Variants in ACTL8 observed in about 807,000 individuals in gnomAD.
The protein encoded by ACTL8 is actin-like protein 8.
ACTL8 carries 3 observed loss-of-function variants against 9.3 expected under a neutral mutation model. That is an observed-to-expected ratio of 0.32 (90% CI 0.15 to 0.83). The LOEUF is 0.83. ACTL8 is among the 40% of genes least tolerant of loss of function. The pLI, the probability that ACTL8 is intolerant of heterozygous loss-of-function variation, is 0.57. For missense variants in ACTL8, 381 were observed against 492.2 expected, an observed-to-expected ratio of 0.77 and a Z score of 2.14; for synonymous variants, 224 against 205.9, an observed-to-expected ratio of 1.09 and a Z score of -0.75.
At chr1:17,806,714 GT>G (rs1434788383) in intron 1 of ACTL8, among the ~76,000 whole-genome samples, 1 of 152,234 alleles carries the variant, frequency 6.6e-6, no homozygotes, top group East Asian at 1.9e-4. Flanking sequence ...GCAAGGGAGG[GT>G]TTTGGGATGG....
At chr1:17,757,708 G>T (rs893860220) in intron 1 of ACTL8, among the ~76,000 whole-genome samples, 1 of 152,184 alleles carries the variant, frequency 6.6e-6, no homozygotes. Context: ...AACAGAAAAA[G>T]AACGACAAGA....
intron 1 of ACTL8, among the ~76,000 whole-genome samples, chr1:17,781,680 A>G (rs1031300605): frequency 6.6e-6 from 1 of 152,156 alleles, no homozygotes; most frequent in Non-Finnish European, 1.5e-5. Context: ...TGGGGTAGAC[A>G]TGAATTTTGG....
intron 1 of ACTL8, among the ~76,000 whole-genome samples, chr1:17,805,946 G>A (rs1229012188): frequency 1.3e-5 from 2 of 152,274 alleles, no homozygotes; most frequent in East Asian, 1.9e-4. Flanking sequence ...GAGGCCGTAG[G>A]GACAAGATGT....
At chr1:17,762,028 G>A (rs1413986399) in intron 1 of ACTL8, among the ~76,000 whole-genome samples, 1 of 152,064 alleles carries the variant, frequency 6.6e-6, no homozygotes, top group Non-Finnish European at 1.5e-5. Context: ...TTGGAGGAAT[G>A]TGGCTTTAAA....
At chr1:17,807,410 A>G (rs1484304125) in intron 1 of ACTL8, among the ~76,000 whole-genome samples, 1 of 152,158 alleles carries the variant, frequency 6.6e-6, no homozygotes, top group African/African-American at 2.4e-5. Context: ...GACATGAGTA[A>G]GTTTCCCAAC....
At position 17,826,820 on chromosome 1, in the gene ACTL8, T is replaced by A. The variant is rs1331374560; in HGVS notation, c.*301T>A. ...CATCTCCATGCCTGAGAGCCACTGA[T>A]TTTTCATTGGCATTTCCCCTGGTTT... is the stretch of plus-strand genomic sequence containing the variant. On this transcript the variant is annotated 3_prime_UTR_variant, in exon 3 of 3. Transcript: ENST00000375406. The surrounding 1 kb of genome is among the most constrained non-coding windows in gnomAD (Gnocchi z 4.5). 3 of 239,778 alleles carry A rather than the reference T, an allele frequency of 1.3e-5. No individual in the cohort carries two copies. The Admixed American group carries it at 1.6e-4, about 13-fold the overall frequency. The allele number at this position is 239,778 out of a possible 1,614,324, so 14.9% of individuals were successfully genotyped here. A position where few individuals can be genotyped will look rare whatever the true frequency, so the allele number is the denominator to read the frequency against.
chr1:17,816,007 A>T (rs1229477820), intron 1 of ACTL8, among the ~76,000 whole-genome samples: 1 of 152,180 alleles, frequency 6.6e-6, no homozygotes, highest in African/African-American at 2.4e-5. Flanking sequence ...TGTATGGGAT[A>T]CAACATGTTA....
chr1:17,817,220 A>G (rs1429682364), intron 1 of ACTL8, among the ~76,000 whole-genome samples: 3 of 151,422 alleles, frequency 2.0e-5, no homozygotes, highest in Admixed American at 2.0e-4. Flanking sequence ...TGGGATCAGA[A>G]ACTGTGCGTG....
At chr1:17,803,561 C>T (rs532644171) in intron 1 of ACTL8, among the ~76,000 whole-genome samples, 5 of 152,306 alleles carry the variant, frequency 3.3e-5, no homozygotes, top group South Asian at 2.1e-4. Context: ...AAACTCCTGA[C>T]CTCAGGTGAT....
chr1:17,781,165 C>T (rs879882380), intron 1 of ACTL8, among the ~76,000 whole-genome samples: 1 of 151,830 alleles, frequency 6.6e-6, no homozygotes, highest in Non-Finnish European at 1.5e-5. Context: ...CGGCTCTGTC[C>T]TTACATGGCC....
At chr1:17,817,176 G>T in intron 1 of ACTL8, among the ~76,000 whole-genome samples, 1 of 148,844 alleles carries the variant, frequency 6.7e-6, no homozygotes. Flanking sequence ...CTGTGGTAAT[G>T]TACCTTAATG....
rs12408385 is a variant in ACTL8 at position 17,823,098 on chromosome 1, G to A, written c.90G>A (p.Pro30=). Residue 30 remains proline (P), a synonymous_variant, in exon 2 of 3, where the codon CCG becomes CCA. Coordinates refer to ENST00000375406, the MANE Select transcript of ACTL8 (RefSeq NM_030812.3). This position sits in a 1 kb window ranked among gnomAD's most constrained non-coding sequence, Gnocchi z 5.3. ...AGWNEPQMVF[P]NIVNYLPCKE... ...GGAATGAGCCTCAGATGGTCTTCCC[G>A]AACATCGTGAACTACCTACCGTGCA... The A allele has an allele frequency of 2.0e-3, 3,237 of 1,614,192 alleles. 23 individuals carry two copies. In the East Asian group the frequency reaches 0.02, roughly 10 times the overall value.
chr1:17,820,859 A>G (rs11809435), intron 1 of ACTL8, among the ~76,000 whole-genome samples: 3,463 of 152,218 alleles, frequency 0.023, 130 homozygotes, highest in African/African-American at 0.076. Flanking sequence ...ACTTTTTAAG[A>G]AACTGCCACA....
chr1:17,764,291 A>G (rs960938847), intron 1 of ACTL8, among the ~76,000 whole-genome samples: 2 of 152,152 alleles, frequency 1.3e-5, no homozygotes, highest in African/African-American at 4.8e-5. Context: ...TCCTGCCTCA[A>G]ATGTCAACAG....
chr1:17,792,170 C>G (rs1439714589), intron 1 of ACTL8, among the ~76,000 whole-genome samples: 3 of 152,226 alleles, frequency 2.0e-5, no homozygotes, highest in Non-Finnish European at 4.4e-5. Flanking sequence ...AAAGGGTGGA[C>G]CAGGCGCTTA....
chr1:17,768,121 T>C lies in ACTL8; in HGVS notation c.-25+12617T>C, dbSNP rs977155905. Among the ~76,000 whole-genome samples the C allele has an allele frequency of 5.7e-5, 7 of 122,392 alleles. No individual in the cohort carries two copies. In the South Asian group the frequency reaches 1.9e-3, roughly 34 times the overall value. 80.3% of individuals were successfully genotyped at this position (122,392 alleles called of 152,430 possible). The stretch of plus-strand genomic sequence containing the variant: ...TGTATCTGAAGTTGGGCCAAAAGAC[T>C]GGCTGGGAAAAGGTGGGAACCCAGC... On this transcript the variant is annotated intron_variant, in intron 1 of 2. Transcript: ENST00000375406.
At chr1:17,769,418 C>T (rs1015793208) in intron 1 of ACTL8, among the ~76,000 whole-genome samples, 2 of 152,200 alleles carry the variant, frequency 1.3e-5, no homozygotes, top group Admixed American at 6.5e-5. Flanking sequence ...TCACCTTAGA[C>T]ACGTTTGTAG....
At chr1:17,765,094 G>A (rs1362297354) in intron 1 of ACTL8, among the ~76,000 whole-genome samples, 1 of 152,222 alleles carries the variant, frequency 6.6e-6, no homozygotes, top group Non-Finnish European at 1.5e-5. Context: ...TGGGGAGATG[G>A]TACCAACTGG....
In ACTL8 at chr1:17,826,116, A is replaced by G; in HGVS notation, c.698A>G (p.Asp233Gly). ...DFRERQQSAL[D>G]ESNTYQLPDG... is the part of the protein sequence containing the mutation. ...CGTGAGAGGCAGCAGAGTGCCTTGG[A>G]TGAGAGCAACACCTATCAGCTCCCA... The change falls in exon 3 of 3, where the codon GAT becomes GGT. Residue 233 changes from aspartate (D) to glycine (G), a missense_variant. By Grantham distance (94) the Asp-to-Gly change is moderately conservative. Coordinates refer to ENST00000375406, the MANE Select transcript of ACTL8 (RefSeq NM_030812.3). The surrounding 1 kb of genome is among the most constrained non-coding windows in gnomAD (Gnocchi z 4.5). 1 of 1,610,638 alleles carries G rather than the reference A, an allele frequency of 6.2e-7. No homozygotes were observed. Among genetic ancestry groups the G allele is most frequent in the Non-Finnish European group, 8.5e-7 (1 of 1,179,374 alleles).
Sources: gnomAD v4.1 joint callset for allele counts (sites outside exome capture counted in the v4.1 genomes callset) on GRCh38, gnomAD v4.1.1 for gene constraint, Gnocchi (gnomAD v3.1) non-coding constraint, MANE v1.5 for transcripts, NCBI Gene and HGNC (gene_info 2026-07-23, HGNC 2026-07-21) for gene names.